Variants in ALMS1 observed in about 807,000 individuals in gnomAD.
The protein encoded by ALMS1 is centrosome-associated protein ALMS1.
ALMS1 carries 271 observed loss-of-function variants against 352.2 expected under a neutral mutation model. That is an observed-to-expected ratio of 0.77 (90% CI 0.70 to 0.85). The LOEUF is 0.85. ALMS1 is among the 40% of genes least tolerant of loss of function. ALMS1 has a pLI of 0.00. For synonymous variants in ALMS1, 1,865 were observed against 1,761.2 expected (o/e 1.06, Z -1.48); for missense variants, 5,445 against 4,870.7 (o/e 1.12, Z -3.51).
intron 16 of ALMS1, among the ~76,000 whole-genome samples, chr2:73,577,362 A>G (rs976355568): frequency 6.6e-6 from 1 of 151,644 alleles, no homozygotes; most frequent in Non-Finnish European, 1.5e-5. Context: ...TTCTTGAGTC[A>G]GTTTCTGTAG....
At chr2:73,405,646 A>C (rs571357423) in intron 1 of ALMS1, among the ~76,000 whole-genome samples, 1 of 151,326 alleles carries the variant, frequency 6.6e-6, no homozygotes, top group South Asian at 2.1e-4. Flanking sequence ...TAGTTCTTCA[A>C]GGTGTAATGT....
At chr2:73,600,591 T>G in intron 17 of ALMS1, 87 bp from the exon 18 acceptor site, 1 of 1,252,104 alleles carries the variant, frequency 8.0e-7, no homozygotes, top group African/African-American at 1.5e-5. Flanking sequence ...TTTGAAACAT[T>G]AAAAAGGGTT....
At chr2:73,444,080 C>T (rs1306458674) in intron 7 of ALMS1, among the ~76,000 whole-genome samples, 2 of 152,034 alleles carry the variant, frequency 1.3e-5, no homozygotes, top group African/African-American at 4.8e-5. Flanking sequence ...AACCTTACTA[C>T]CTTAGGTTGT....
At position 73,559,111 on chromosome 2, in the gene ALMS1, CAAT is replaced by C. The variant is rs1384139321; in HGVS notation, c.10356_10358del (p.Asn3452del). On this transcript the variant is annotated inframe_deletion, in exon 15 of 23. Coordinates refer to ENST00000613296, the MANE Select transcript of ALMS1 (RefSeq NM_001378454.1). ...CAGTTCCCGAGGAAGCCTGGCCAAA[CAAT>C]AAAGAATCCCTACAGATCAATATTG... is the stretch of plus-strand genomic sequence containing the variant. The C allele has an allele frequency of 2.5e-6, 4 of 1,613,754 alleles. No individual in the cohort carries two copies. The highest frequency in any genetic ancestry group is 1.3e-5 in the African/African-American group (1 of 74,948).
chr2:73,460,690 CAAAG>C (rs1672172924), intron 9 of ALMS1, among the ~76,000 whole-genome samples: 1 of 152,202 alleles, frequency 6.6e-6, no homozygotes, highest in Non-Finnish European at 1.5e-5. Context: ...CTTTCCTAGT[CAAAG>C]AAAGGGGTGA....
At chr2:73,579,260 A>G (rs1463643893) in intron 16 of ALMS1, among the ~76,000 whole-genome samples, 6 of 151,434 alleles carry the variant, frequency 4.0e-5, no homozygotes, top group Admixed American at 3.3e-4. Context: ...GGGTTTCACC[A>G]TGTTGGCCAG....
At chr2:73,394,647 G>T (rs895169620) in intron 1 of ALMS1, among the ~76,000 whole-genome samples, 1 of 152,160 alleles carries the variant, frequency 6.6e-6, no homozygotes, top group Non-Finnish European at 1.5e-5. Flanking sequence ...ACCGTGCCTG[G>T]CCTAATCATC....
chr2:73,465,267 A>G (rs1246311643), intron 9 of ALMS1, among the ~76,000 whole-genome samples: 7 of 152,166 alleles, frequency 4.6e-5, no homozygotes, highest in African/African-American at 7.2e-5. Flanking sequence ...CCAAAACAGC[A>G]TGGTACTGGT....
At chr2:73,441,232 C>G (rs1382847024) in intron 7 of ALMS1, among the ~76,000 whole-genome samples, 1 of 152,182 alleles carries the variant, frequency 6.6e-6, no homozygotes, top group East Asian at 1.9e-4. Context: ...AGAACATTTC[C>G]TTGAACCTAC....
At chr2:73,405,180 C>A (rs1441590183) in intron 1 of ALMS1, among the ~76,000 whole-genome samples, 1 of 152,060 alleles carries the variant, frequency 6.6e-6, no homozygotes, top group Admixed American at 6.6e-5. Flanking sequence ...TCCCAAAGTA[C>A]TGGGATTACA....
At position 73,573,402 on chromosome 2, in the gene ALMS1, ACAC is replaced by A. The variant is rs749213119; in HGVS notation, c.11528_11530del (p.Thr3843del). 1.9e-6 allele frequency: 3 copies of A among 1,614,092 alleles called. No individual in the cohort carries two copies. The highest frequency in any genetic ancestry group is 2.5e-6 in the Non-Finnish European group (3 of 1,180,012). Reference sequence around the variant, plus strand: ...GGTCATCCCCTAGTGACTTCTGAGCACACCAGAAGGAGACACATCCAGGTACAT... The same window carrying A: ...GGTCATCCCCTAGTGACTTCTGAGCACAGAAGGAGACACATCCAGGTACAT... On this transcript the variant is annotated inframe_deletion, in exon 16 of 23. Coordinates refer to ENST00000613296, the MANE Select transcript of ALMS1 (RefSeq NM_001378454.1).
intron 16 of ALMS1, among the ~76,000 whole-genome samples, chr2:73,576,721 A>G (rs888126224): frequency 9.2e-5 from 14 of 151,624 alleles, no homozygotes; most frequent in Admixed American, 1.3e-4. Context: ...CCTGGGTTCA[A>G]CCAATTCTCC....
In ALMS1 at chr2:73,534,903, A is replaced by G. The variant is rs114687298; in HGVS notation, c.9861A>G (p.Pro3287=). ...TTCCACAATTAAGACAAATTCCTCCATCTCCGGATTCCAAATCAGATACCA... is the reference window on the plus strand; with the variant it reads ...TTCCACAATTAAGACAAATTCCTCCGTCTCCGGATTCCAAATCAGATACCA... The part of the protein sequence containing the change: ...YYVPQLRQIP[P]SPDSKSDTTV... The change falls in exon 12 of 23, where the codon CCA becomes CCG. Residue 3287 remains proline, a synonymous_variant. Coordinates refer to ENST00000613296, the MANE Select transcript of ALMS1 (RefSeq NM_001378454.1). The G allele has an allele frequency of 7.0e-4, 1,126 of 1,613,776 alleles. 1 individual carries two copies. The highest frequency in any genetic ancestry group is 9.0e-4 in the Non-Finnish European group (1,060 of 1,179,766).
intron 9 of ALMS1, among the ~76,000 whole-genome samples, chr2:73,485,450 G>A (rs1219625948): frequency 2.6e-5 from 4 of 152,230 alleles, no homozygotes; most frequent in South Asian, 4.1e-4. Context: ...CTCCAGCTGT[G>A]TGCTGGGAGA....
intron 15 of ALMS1, among the ~76,000 whole-genome samples, chr2:73,569,844 T>C (rs529862126): frequency 2.0e-5 from 3 of 152,366 alleles, no homozygotes; most frequent in East Asian, 3.9e-4. Flanking sequence ...AGAAAAGTTA[T>C]GTATACTTGT....
intron 10 of ALMS1, among the ~76,000 whole-genome samples, chr2:73,518,381 G>GGGGCAT (rs1673603092): frequency 6.6e-6 from 1 of 152,032 alleles, no homozygotes; most frequent in African/African-American, 2.4e-5. Flanking sequence ...GGGGCATTTA[G>GGGGCAT]GTTGATTCAT....
chr2:73,581,996 C>A (rs1675193134), intron 16 of ALMS1, among the ~76,000 whole-genome samples: 1 of 152,144 alleles, frequency 6.6e-6, no homozygotes. Flanking sequence ...TCCGCCTTGG[C>A]CTCCCAAAAT....
At chr2:73,600,968 CTA>C (rs1275340389) in intron 18 of ALMS1, 87 bp downstream of exon 18, 8 of 1,474,568 alleles carry the variant, frequency 5.4e-6, no homozygotes, top group East Asian at 2.4e-5. Context: ...CCAAGTGACT[CTA>C]TGTGGTCCCC....
In ALMS1 at chr2:73,391,217, C is replaced by T. The variant is rs1236700819; in HGVS notation, c.324+5025C>T. Among the ~76,000 whole-genome samples, 10 of 151,974 alleles carry T rather than the reference C, an allele frequency of 6.6e-5. 1 individual carries two copies. Among genetic ancestry groups the T allele is most frequent in the Non-Finnish European group, 1.3e-4 (9 of 68,014 alleles). ...AGAAGAGAACACAGGCTGAACCTCT[C>T]CCGTTTCTGCTCCCCATCTCCAAAT... On this transcript the variant is annotated intron_variant, in intron 1 of 22. Transcript: ENST00000613296.
Sources: allele counts gnomAD v4.1 joint callset (sites outside exome capture counted in the v4.1 genomes callset), GRCh38; gene constraint gnomAD v4.1.1; transcripts MANE v1.5; gene names NCBI Gene and HGNC (gene_info 2026-07-23, HGNC 2026-07-21).